TNS1: variants seen among roughly 807,000 people sequenced by gnomAD.
The protein encoded by TNS1 is tensin 1.
Under a neutral mutation model 168.6 loss-of-function variants are expected in TNS1, and 62 were observed. That is an observed-to-expected ratio of 0.37 (90% CI 0.30 to 0.45). The LOEUF is 0.45. Among genes scored for constraint, TNS1 ranks in the 20% least tolerant of loss-of-function variants. The probability of loss-of-function intolerance (pLI) is 1.00; values close to 1 mark genes in which losing one functional copy is unlikely to be tolerated. For synonymous variants in TNS1, 934 were observed against 933.2 expected, an observed-to-expected ratio of 1.00 and a Z score of -0.02; for missense variants, 2,240 against 2,339.4, an observed-to-expected ratio of 0.96 and a Z score of 0.88.
intron 12 of TNS1, among the ~76,000 whole-genome samples, chr2:217,890,016 G>A (rs1574967222): frequency 6.6e-6 from 1 of 152,240 alleles, no homozygotes; most frequent in Non-Finnish European, 1.5e-5. Flanking sequence ...ACAACCAGGA[G>A]GCACTGCCCT....
chr2:217,858,251 G>A (rs932356094), intron 18 of TNS1, among the ~76,000 whole-genome samples: 6 of 151,986 alleles, frequency 3.9e-5, no homozygotes, highest in African/African-American at 1.5e-4. Flanking sequence ...GAAAGCTATG[G>A]CTCTTACGTG....
intron 12 of TNS1, among the ~76,000 whole-genome samples, chr2:217,889,350 G>A (rs532256888): frequency 2.0e-5 from 3 of 152,368 alleles, no homozygotes; most frequent in African/African-American, 7.2e-5. Flanking sequence ...AGCAAGGTGG[G>A]ATGATGGGGC....
chr2:217,848,762 G>A lies in TNS1; in HGVS notation c.1755C>T (p.Thr585=), dbSNP rs1947057124. 1 of 1,614,076 alleles carries A rather than the reference G, an allele frequency of 6.2e-7. No homozygotes were observed. Among genetic ancestry groups the A allele is most frequent in the Admixed American group, 1.7e-5 (1 of 60,008 alleles). Residue 585 remains threonine, a synonymous_variant, in exon 19 of 33, where the codon ACC becomes ACT. Transcript: ENST00000682258. ...EREKQGAMYH[T]QHLRSRPAGG... is the part of the protein sequence containing the mutation. ...CTGCTGGGCGGGACCTGAGGTGCTG[G>A]GTGTGGTACATGGCGCCTTGCTTCT...
At chr2:217,996,423 C>T (rs986223909) in intron 1 of TNS1, among the ~76,000 whole-genome samples, 2 of 152,128 alleles carry the variant, frequency 1.3e-5, no homozygotes. Context: ...GTGGGGCTGC[C>T]GGCTGGCTTC....
At chr2:217,822,000 C>G in intron 22 of TNS1, 62 bp from the exon 23 acceptor site, 1 of 1,461,762 alleles carries the variant, frequency 6.8e-7, no homozygotes, top group Non-Finnish European at 9.2e-7. Flanking sequence ...GTGCAGGTCC[C>G]CCCCAACCTC....
At chr2:217,960,936 G>GA (rs952305436) in intron 3 of TNS1, among the ~76,000 whole-genome samples, 3 of 152,070 alleles carry the variant, frequency 2.0e-5, no homozygotes, top group Non-Finnish European at 4.4e-5. Context: ...TCTCCTCGTG[G>GA]AAAAAAGGAA....
At chr2:217,997,364 A>T (rs191043175) in intron 1 of TNS1, among the ~76,000 whole-genome samples, 8 of 152,314 alleles carry the variant, frequency 5.3e-5, no homozygotes, top group Admixed American at 5.2e-4. Flanking sequence ...GATTCAGGAC[A>T]CAATCAGGAT....
chr2:217,985,348 T>G (rs186697118), intron 2 of TNS1: 8 of 152,240 alleles, frequency 5.3e-5, no homozygotes, highest in Admixed American at 5.2e-4. Context: ...ATATATATAA[T>G]CTCATTTAAT....
intron 9 of TNS1, 112 bp downstream of exon 9, chr2:217,894,894 A>C: frequency 9.7e-7 from 1 of 1,035,294 alleles, no homozygotes; most frequent in Non-Finnish European, 1.5e-6. Context: ...ATAAGTCGGC[A>C]CTCTGACAAA....
intron 18 of TNS1, among the ~76,000 whole-genome samples, chr2:217,872,204 G>A (rs1305742643): frequency 1.3e-5 from 2 of 152,208 alleles, no homozygotes; most frequent in Non-Finnish European, 2.9e-5. Flanking sequence ...CATTTCAAAA[G>A]TAAGGCAGAA....
chr2:218,022,591 G>T lies in TNS1; in HGVS notation c.156+11229C>A, dbSNP rs538185465. Among the ~76,000 whole-genome samples, 3 of 152,070 alleles carry T rather than the reference G, an allele frequency of 2.0e-5. No homozygotes were observed. In the South Asian group the frequency reaches 6.2e-4, roughly 32 times the overall value. On this transcript the variant is annotated intron_variant, in intron 1 of 1. Coordinates refer to the TNS1 transcript ENST00000649572. ...CCTTTGTCCCCCTGCCTGGCCTTGGGAGCACAAATCCACACAAAGAGCTTC... is the reference window on the plus strand; with the variant it reads ...CCTTTGTCCCCCTGCCTGGCCTTGGTAGCACAAATCCACACAAAGAGCTTC...
At position 217,848,516 on chromosome 2, in the gene TNS1, G is replaced by T. The variant is rs367726103; in HGVS notation, c.2001C>A (p.Asn667Lys). The T allele has an allele frequency of 3.7e-6, 6 of 1,613,602 alleles. No homozygotes were observed. Among genetic ancestry groups the T allele is most frequent in the South Asian group, 1.1e-5 (1 of 91,028 alleles). ...CCATGGGGTAGGACTTGTCCAGACC[G>T]TTGGTCAGTGGGGACAGGGCCTCTG... is the stretch of plus-strand genomic sequence containing the variant. Reference protein sequence around the residue: ...GYPEALSPLTNGLDKSYPMEP... With the variant: ...GYPEALSPLTKGLDKSYPMEP... Residue 667 changes from asparagine (N) to lysine (K), a missense_variant, in exon 19 of 33, where the codon AAC becomes AAA. Transcript: ENST00000682258.
At chr2:217,994,661 T>C (rs1175335424) in intron 1 of TNS1, among the ~76,000 whole-genome samples, 2 of 152,138 alleles carry the variant, frequency 1.3e-5, no homozygotes, top group Non-Finnish European at 2.9e-5. Flanking sequence ...ATGTGCAGCC[T>C]TCCAGAACAG....
intron 3 of TNS1, among the ~76,000 whole-genome samples, chr2:217,964,886 C>T (rs13018351): frequency 5.3e-5 from 8 of 152,282 alleles, no homozygotes; most frequent in Non-Finnish European, 7.4e-5. Context: ...CTCCTCCTAA[C>T]GGCCCCCCGC....
At position 217,920,256 on chromosome 2, in the gene TNS1, C is replaced by G; in HGVS notation, c.187-20G>C. ...AGCCACCTGTGGAAGGAACAGAGAA[C>G]GGGCAGGTGAGCATATCTTGTCTCT... On this transcript the variant is annotated intron_variant, in intron 3 of 32. Coordinates refer to ENST00000682258, the MANE Select transcript of TNS1 (RefSeq NM_001387777.1). 1.4e-6 allele frequency: 1 copy of G among 702,938 alleles called. No homozygotes were observed. The highest frequency in any genetic ancestry group is 2.6e-6 in the Non-Finnish European group (1 of 384,992). 43.5% of individuals were successfully genotyped at this position (702,938 alleles called of 1,614,324 possible).
chr2:217,897,334 C>T (rs1398440991), intron 8 of TNS1, among the ~76,000 whole-genome samples: 2 of 152,216 alleles, frequency 1.3e-5, no homozygotes, highest in Non-Finnish European at 2.9e-5. Flanking sequence ...AGACTCTGCC[C>T]TCAGACTTCT....
chr2:217,970,352 TTAAACA>T (rs1321648824), intron 3 of TNS1, among the ~76,000 whole-genome samples: 1 of 152,208 alleles, frequency 6.6e-6, no homozygotes. Context: ...CCTCAAAACA[TTAAACA>T]TAGAGTTACC....
chr2:217,839,159 C>T (rs893683684), intron 19 of TNS1, among the ~76,000 whole-genome samples: 1 of 152,086 alleles, frequency 6.6e-6, no homozygotes, highest in Non-Finnish European at 1.5e-5. Flanking sequence ...ACCCTCAGAA[C>T]CTCTAGGGCC....
chr2:217,997,304 G>T (rs928411597), intron 1 of TNS1, among the ~76,000 whole-genome samples: 4 of 152,076 alleles, frequency 2.6e-5, no homozygotes, highest in Admixed American at 6.6e-5. Context: ...TCATTCTACT[G>T]CCCCAAGAAT....
Sources: allele counts gnomAD v4.1 joint callset (sites outside exome capture counted in the v4.1 genomes callset), GRCh38; gene constraint gnomAD v4.1.1; transcripts MANE v1.5; gene names NCBI Gene and HGNC (gene_info 2026-07-23, HGNC 2026-07-21).